The following FHIT variants were observed in gnomAD, a reference collection of about 807,000 sequenced individuals.
The protein encoded by FHIT is fragile histidine triad diadenosine triphosphatase.
In FHIT, 19 loss-of-function variants were observed where a neutral mutation model predicts 17.9. That is an observed-to-expected ratio of 1.06 (90% confidence interval 0.74 to 1.56). FHIT has a LOEUF of 1.56. Among genes scored for constraint, FHIT ranks in the 40% most tolerant of loss-of-function variants. The pLI is 0.00. For missense variants in FHIT, 248 were observed against 189.2 expected (o/e 1.31, Z -1.82); for synonymous variants, 81 against 69.7 (o/e 1.16, Z -0.81).
chr3:60,305,826 T>A (rs990417679), intron 5 of FHIT, among the ~76,000 whole-genome samples: 1 of 152,130 alleles, frequency 6.6e-6, no homozygotes, highest in Admixed American at 6.6e-5. Flanking sequence ...TTTTTAATAA[T>A]TTTAAACTGA....
intron 2 of FHIT, among the ~76,000 whole-genome samples, chr3:61,093,564 AC>A (rs1419905258): frequency 4.5e-4 from 68 of 152,364 alleles, no homozygotes; most frequent in African/African-American, 1.6e-3. Context: ...AGAACCTGTA[AC>A]AGATTTGGAA....
intron 5 of FHIT, among the ~76,000 whole-genome samples, chr3:60,354,789 T>C (rs1699573285): frequency 1.3e-5 from 2 of 152,208 alleles, no homozygotes; most frequent in Admixed American, 1.3e-4. Flanking sequence ...AACCATTATC[T>C]TAGGGAATCA....
At chr3:60,454,872 CAG>C (rs1433901968) in intron 5 of FHIT, among the ~76,000 whole-genome samples, 1 of 151,912 alleles carries the variant, frequency 6.6e-6, no homozygotes, top group Non-Finnish European at 1.5e-5. Flanking sequence ...AACTGAGGCA[CAG>C]AGATTTTTAA....
chr3:61,108,961 A>G (rs2036073461), intron 2 of FHIT, among the ~76,000 whole-genome samples: 1 of 152,204 alleles, frequency 6.6e-6, no homozygotes, highest in Non-Finnish European at 1.5e-5. Flanking sequence ...AGCCTAAAAG[A>G]CTAAATCTAT....
At chr3:59,918,630 T>G (rs571790190) in intron 8 of FHIT, among the ~76,000 whole-genome samples, 1 of 152,226 alleles carries the variant, frequency 6.6e-6, no homozygotes, top group South Asian at 2.1e-4. Context: ...GGAATAGTAA[T>G]CTTTGAGTAG....
chr3:60,074,397 C>G (rs1324139539), intron 5 of FHIT, among the ~76,000 whole-genome samples: 2 of 152,106 alleles, frequency 1.3e-5, no homozygotes, highest in African/African-American at 2.4e-5. Flanking sequence ...TCTCTAACTT[C>G]ATGTCCTGTA....
chr3:60,504,563 G>A (rs1434143051), intron 5 of FHIT, among the ~76,000 whole-genome samples: 1 of 152,188 alleles, frequency 6.6e-6, no homozygotes, highest in South Asian at 2.1e-4. Flanking sequence ...AGTAAAACGT[G>A]AACTGCCAAA....
intron 5 of FHIT, among the ~76,000 whole-genome samples, chr3:60,493,813 A>T (rs1484812292): frequency 6.6e-6 from 1 of 152,140 alleles, no homozygotes; most frequent in Non-Finnish European, 1.5e-5. Flanking sequence ...TCCAAGGGAA[A>T]ATTATTAGAT....
chr3:60,794,467 A>G (rs144219874), intron 4 of FHIT, among the ~76,000 whole-genome samples: 15 of 152,056 alleles, frequency 9.9e-5, no homozygotes, highest in South Asian at 2.1e-4. Context: ...ACATTTTAAC[A>G]TTTCTGAAAT....
chr3:60,277,315 T>TG (rs1381507251), intron 5 of FHIT, among the ~76,000 whole-genome samples: 48 of 152,204 alleles, frequency 3.2e-4, no homozygotes, highest in African/African-American at 1.1e-3. Context: ...AGGTTTTCCT[T>TG]TGAATGAAAA....
At chr3:59,906,902 T>C (rs1281628748) in intron 8 of FHIT, among the ~76,000 whole-genome samples, 2 of 152,244 alleles carry the variant, frequency 1.3e-5, no homozygotes, top group African/African-American at 4.8e-5. Context: ...ATTTTAAAAG[T>C]CAGCTGCAGT....
intron 8 of FHIT, among the ~76,000 whole-genome samples, chr3:59,872,252 T>C (rs537481901): frequency 1.5e-4 from 23 of 152,218 alleles, no homozygotes; most frequent in South Asian, 1.2e-3. Context: ...CATCACCTCA[T>C]GATTAGCAGA....
At chr3:61,207,743 A>G (rs1335839802) in intron 1 of FHIT, among the ~76,000 whole-genome samples, 1 of 151,876 alleles carries the variant, frequency 6.6e-6, no homozygotes, top group Non-Finnish European at 1.5e-5. Flanking sequence ...AGGTCTATCA[A>G]TTTTGTTGAT....
At chr3:60,374,679 C>T (rs975215062) in intron 5 of FHIT, among the ~76,000 whole-genome samples, 1 of 151,444 alleles carries the variant, frequency 6.6e-6, no homozygotes, top group African/African-American at 2.4e-5. Flanking sequence ...AGAGAATATG[C>T]ATATTCAAGT....
intron 7 of FHIT, among the ~76,000 whole-genome samples, chr3:59,951,823 G>C (rs890707916): frequency 1.3e-5 from 2 of 152,102 alleles, no homozygotes; most frequent in African/African-American, 4.8e-5. Flanking sequence ...CCTCTCTCCA[G>C]CCACAGAATT....
chr3:59,967,710 G>T (rs942149596), intron 7 of FHIT, among the ~76,000 whole-genome samples: 1 of 152,046 alleles, frequency 6.6e-6, no homozygotes, highest in African/African-American at 2.4e-5. Flanking sequence ...ATGTTTGTTG[G>T]ATAAGCCCAG....
chr3:60,283,217 A>C (rs1707548899), intron 5 of FHIT, among the ~76,000 whole-genome samples: 1 of 152,042 alleles, frequency 6.6e-6, no homozygotes, highest in Admixed American at 6.6e-5. Context: ...GGAGAGCGAA[A>C]AACAGGGATA....
intron 8 of FHIT, among the ~76,000 whole-genome samples, chr3:59,806,443 G>C (rs1029636844): frequency 2.6e-5 from 4 of 151,816 alleles, no homozygotes; most frequent in African/African-American, 7.3e-5. Context: ...CCAATGCTTC[G>C]TTCCACTTCT....
At chr3:60,919,419 C>T (rs1337064957) in intron 3 of FHIT, among the ~76,000 whole-genome samples, 4 of 146,548 alleles carry the variant, frequency 2.7e-5, no homozygotes, top group Non-Finnish European at 6.0e-5. Flanking sequence ...TTTTTTAAAG[C>T]TGTCTATATC....
Sources: allele counts gnomAD v4.1 joint callset (sites outside exome capture counted in the v4.1 genomes callset), GRCh38; gene constraint gnomAD v4.1.1; transcripts MANE v1.5; gene names NCBI Gene and HGNC (gene_info 2026-07-23, HGNC 2026-07-21).